The following CRADD variants were observed in gnomAD, a reference collection of about 807,000 sequenced individuals.
CRADD encodes CARD and death domain containing adaptor protein, also known as death domain-containing protein CRADD.
CRADD carries 9 observed loss-of-function variants against 15.5 expected under a neutral mutation model. That is an observed-to-expected ratio of 0.58 (90% CI 0.35 to 1.01). CRADD has a LOEUF of 1.01. Ranked by LOEUF, CRADD falls within the 50% of genes least tolerant of loss-of-function variation. CRADD has a pLI of 0.02. For missense variants in CRADD, 227 were observed against 250.3 expected (o/e 0.91, Z 0.63); for synonymous variants, 118 against 107.6 (o/e 1.10, Z -0.60).
At chr12:93,718,632 T>C (rs538755083) in intron 2 of CRADD, among the ~76,000 whole-genome samples, 1 of 152,334 alleles carries the variant, frequency 6.6e-6, no homozygotes, top group East Asian at 1.9e-4. Flanking sequence ...CTTCTTAATC[T>C]ACATACCTTT....
chr12:93,878,657 A>G (rs1233125745), intron 2 of CRADD, among the ~76,000 whole-genome samples: 1 of 152,160 alleles, frequency 6.6e-6, no homozygotes, highest in Admixed American at 6.5e-5. Flanking sequence ...TGGGAACTCA[A>G]GTTCTGACCA....
At chr12:93,787,752 A>G (rs189917763) in intron 2 of CRADD, among the ~76,000 whole-genome samples, 7 of 152,320 alleles carry the variant, frequency 4.6e-5, no homozygotes, top group Admixed American at 1.3e-4. Context: ...CATGTTTAAC[A>G]TGAGAATTAA....
At chr12:93,826,853 G>C (rs1340250728) in intron 2 of CRADD, 1 of 152,178 alleles carries the variant, frequency 6.6e-6, no homozygotes, top group Non-Finnish European at 1.5e-5. Context: ...TGAGCCATGT[G>C]AAACTGCCAT....
At chr12:93,857,471 A>T (rs1958284681) in intron 2 of CRADD, among the ~76,000 whole-genome samples, 1 of 152,336 alleles carries the variant, frequency 6.6e-6, no homozygotes, top group South Asian at 2.1e-4. Context: ...CAGACTGCTG[A>T]TGAATTTGGT....
In CRADD at chr12:93,732,139, G is replaced by GAA. The variant is rs560657069; in HGVS notation, c.298+53080_298+53081dup. ...CGACAAGAGTGAAATTCCGTCTCAA[G>GAA]AAAAAAAAAAAAAAGAAAGAAAGAA... On this transcript the variant is annotated intron_variant, in intron 2 of 2. Coordinates refer to ENST00000332896, the MANE Select transcript of CRADD (RefSeq NM_003805.5). 5.4e-4 allele frequency among the ~76,000 whole-genome samples: 57 copies of GAA among 105,750 alleles called. 1 individual carries two copies. Among genetic ancestry groups the GAA allele is most frequent in the African/African-American group, 1.5e-3 (46 of 30,612 alleles). The allele number at this position is 105,750 out of a possible 152,430, so 69.4% of individuals were successfully genotyped here.
intron 2 of CRADD, among the ~76,000 whole-genome samples, chr12:93,692,546 T>C (rs1955599601): frequency 6.6e-6 from 1 of 152,150 alleles, no homozygotes; most frequent in African/African-American, 2.4e-5. Flanking sequence ...GCAGAAACTT[T>C]ATAGGCCAGG....
At chr12:93,844,890 G>A (rs1285602290) in intron 2 of CRADD, among the ~76,000 whole-genome samples, 1 of 152,198 alleles carries the variant, frequency 6.6e-6, no homozygotes, top group Non-Finnish European at 1.5e-5. Flanking sequence ...GAAGGCGAGA[G>A]GACCAGTTCC....
intron 2 of CRADD, among the ~76,000 whole-genome samples, chr12:93,821,192 G>A (rs181763006): frequency 3.9e-5 from 6 of 152,206 alleles, no homozygotes; most frequent in South Asian, 2.1e-4. Flanking sequence ...CTTTCAGGGC[G>A]ACAGTTGGTT....
intron 2 of CRADD, among the ~76,000 whole-genome samples, chr12:93,769,250 AT>A (rs1270998778): frequency 6.6e-6 from 1 of 151,528 alleles, no homozygotes; most frequent in African/African-American, 2.4e-5. Flanking sequence ...CCTGGCTATT[AT>A]TTTTGCATTT....
chr12:93,749,481 G>A lies in CRADD; in HGVS notation c.298+70409G>A, dbSNP rs570265905. ...CAGAAGAGTCCACTTTGCCTCTCTA[G>A]TGGATGTCATGCTATATTAAAAACT... On this transcript the variant is annotated intron_variant, in intron 2 of 2. Coordinates refer to ENST00000332896, the MANE Select transcript of CRADD (RefSeq NM_003805.5). Among the ~76,000 whole-genome samples the A allele has an allele frequency of 2.0e-5, 3 of 152,344 alleles. No individual in the cohort carries two copies. The South Asian group carries it at 6.2e-4, about 32-fold the overall frequency.
chr12:93,718,805 G>A (rs182198913), intron 2 of CRADD, among the ~76,000 whole-genome samples: 342 of 151,840 alleles, frequency 2.3e-3, no homozygotes, highest in Admixed American at 9.6e-3. Flanking sequence ...TGTCACCCAG[G>A]CTGGAGTGCA....
chr12:93,776,056 G>T (rs1388093489), intron 2 of CRADD, among the ~76,000 whole-genome samples: 1 of 151,956 alleles, frequency 6.6e-6, no homozygotes, highest in Non-Finnish European at 1.5e-5. Context: ...GGACATTCAA[G>T]CACACACAAT....
At chr12:93,847,312 C>T (rs944726454) in intron 2 of CRADD, among the ~76,000 whole-genome samples, 1 of 151,180 alleles carries the variant, frequency 6.6e-6, no homozygotes, top group African/African-American at 2.4e-5. Context: ...AGGGAAATAA[C>T]ATTATTTAAA....
At chr12:93,744,261 A>G (rs374126303) in intron 2 of CRADD, among the ~76,000 whole-genome samples, 1 of 152,184 alleles carries the variant, frequency 6.6e-6, no homozygotes, top group African/African-American at 2.4e-5. Flanking sequence ...CACTGGCAGA[A>G]TTTAGTTCCA....
At position 93,721,864 on chromosome 12, in the gene CRADD, A is replaced by T. The variant is rs116512988; in HGVS notation, c.298+42792A>T. 4.3e-3 allele frequency among the ~76,000 whole-genome samples: 653 copies of T among 152,240 alleles called. 8 individuals carry two copies. Among genetic ancestry groups the T allele is most frequent in the African/African-American group, 0.015 (624 of 41,548 alleles). On this transcript the variant is annotated intron_variant, in intron 2 of 2. Coordinates refer to ENST00000332896, the MANE Select transcript of CRADD (RefSeq NM_003805.5). ...TTGTTGCCATTATTATTTTGAACAA[A>T]CTTTGATCTGTTAGATCAATTAAAA...
At chr12:93,841,384 C>T (rs1346305696) in intron 2 of CRADD, among the ~76,000 whole-genome samples, 3 of 152,154 alleles carry the variant, frequency 2.0e-5, no homozygotes, top group South Asian at 2.1e-4. Context: ...TCTGGAACAA[C>T]TTACATATGA....
At chr12:93,847,251 C>G (rs1333393778) in intron 2 of CRADD, among the ~76,000 whole-genome samples, 1 of 151,894 alleles carries the variant, frequency 6.6e-6, no homozygotes, top group East Asian at 1.9e-4. Flanking sequence ...TCAGAATTCT[C>G]CACATCAGCA....
chr12:93,712,215 T>C (rs138607792), intron 2 of CRADD, among the ~76,000 whole-genome samples: 57 of 152,354 alleles, frequency 3.7e-4, no homozygotes, highest in African/African-American at 1.3e-3. Flanking sequence ...AGGATTAAAC[T>C]AGTTACTATT....
intron 2 of CRADD, among the ~76,000 whole-genome samples, chr12:93,778,469 T>C (rs956781983): frequency 6.6e-6 from 1 of 152,224 alleles, no homozygotes; most frequent in African/African-American, 2.4e-5. Flanking sequence ...GTAACTAAGC[T>C]TAGCCATACT....
Sources: allele counts gnomAD v4.1 joint callset (sites outside exome capture counted in the v4.1 genomes callset), GRCh38; gene constraint gnomAD v4.1.1; transcripts MANE v1.5; gene names NCBI Gene and HGNC (gene_info 2026-07-23, HGNC 2026-07-21).